SIPA1L1: variants seen among roughly 807,000 people sequenced by gnomAD.
The protein encoded by SIPA1L1 is signal-induced proliferation-associated 1-like protein 1.
In SIPA1L1, 26 loss-of-function variants were observed where a neutral mutation model predicts 162.7. The observed-to-expected ratio is 0.16, with a 90% confidence interval of 0.12 to 0.22. The LOEUF (loss-of-function observed/expected upper bound fraction) is 0.22. SIPA1L1 is among the 10% of genes least tolerant of loss of function. SIPA1L1 has a pLI of 1.00. For synonymous variants in SIPA1L1, 829 were observed against 837.4 expected (o/e 0.99, Z 0.17); for missense variants, 1,874 against 2,241.0 (o/e 0.84, Z 3.31).
chr14:71,331,811 A>T (rs957441900), intron 2 of SIPA1L1, among the ~76,000 whole-genome samples: 11 of 152,170 alleles, frequency 7.2e-5, no homozygotes, highest in Non-Finnish European at 1.5e-4. Context: ...ATACTTAACC[A>T]CAGCACTGTT....
At chr14:71,677,923 G>T (rs1230630287) in intron 12 of SIPA1L1, among the ~76,000 whole-genome samples, 1 of 152,118 alleles carries the variant, frequency 6.6e-6, no homozygotes, top group African/African-American at 2.4e-5. Context: ...CTCCAGCTTT[G>T]TTCTTTTTGC....
Position 71,650,471 on chromosome 14 carries a change from A to G in SIPA1L1, c.1955A>G (p.Lys652Arg), listed in dbSNP as rs764767611. ...LQLLGERVRLKGFEKYRAQLD... is the reference protein window; with the variant it reads ...LQLLGERVRLRGFEKYRAQLD... Reference sequence around the variant, plus strand: ...CTATTGGGAGAGCGAGTTCGGCTCAAAGGATTTGAGAAGTATCGAGCACAG... The same window carrying G: ...CTATTGGGAGAGCGAGTTCGGCTCAGAGGATTTGAGAAGTATCGAGCACAG... Residue 652 changes from lysine to arginine, a missense_variant, in exon 8 of 24, where the codon AAA becomes AGA. Physicochemically the swap from Lys to Arg is conservative, Grantham distance 26. This residue lies in a region of SIPA1L1 where 685 missense variants were observed against 828.0 expected (regional missense o/e 0.83). Transcript: ENST00000381232. 5.6e-6 allele frequency: 9 copies of G among 1,614,178 alleles called. No homozygotes were observed. In the East Asian group the frequency reaches 1.3e-4, roughly 24 times the overall value.
Position 71,588,915 on chromosome 14 carries a change from T to G in SIPA1L1, c.1043T>G (p.Met348Arg). Residue 348 changes from methionine to arginine, a missense_variant, in exon 5 of 24, where the codon ATG becomes AGG. By Grantham distance (91) the Met-to-Arg change is moderately conservative. Coordinates refer to ENST00000381232, the MANE Select transcript of SIPA1L1 (RefSeq NM_001386936.1). This position sits in a 1 kb window ranked among gnomAD's most constrained non-coding sequence, Gnocchi z 4.3. The stretch of plus-strand genomic sequence containing the variant: ...TTATTTGATTTGAATGAGGCAATTA[T>G]GAACAGGCACAATGTTATTAAGAGG... ...SILFDLNEAI[M>R]NRHNVIKRRN... is the part of the protein sequence containing the mutation. 1 of 1,614,116 alleles carries G rather than the reference T, an allele frequency of 6.2e-7. No individual in the cohort carries two copies. The highest frequency in any genetic ancestry group is 1.1e-5 in the South Asian group (1 of 91,084).
chr14:71,575,223 ATACTT>A (rs2032817039), intron 4 of SIPA1L1: 1 of 151,972 alleles, frequency 6.6e-6, no homozygotes, highest in African/African-American at 2.4e-5. Flanking sequence ...GGCTCTGTAA[ATACTT>A]AAGTTGCTGC....
intron 2 of SIPA1L1, among the ~76,000 whole-genome samples, chr14:71,325,083 T>C (rs1726437015): frequency 6.6e-6 from 1 of 152,156 alleles, no homozygotes; most frequent in African/African-American, 2.4e-5. Context: ...TATTCTGCCA[T>C]TGCTCACACA....
chr14:71,483,724 G>C (rs2048522972), intron 2 of SIPA1L1, among the ~76,000 whole-genome samples: 1 of 151,056 alleles, frequency 6.6e-6, no homozygotes, highest in African/African-American at 2.5e-5. Flanking sequence ...TCACTCTCCT[G>C]CTGAAAACAT....
chr14:71,680,977 C>T (rs1019885747), intron 12 of SIPA1L1, among the ~76,000 whole-genome samples: 11 of 152,184 alleles, frequency 7.2e-5, no homozygotes, highest in Non-Finnish European at 1.0e-4. Context: ...CCCTCCTCTA[C>T]CCAGCTCTTC....
intron 5 of SIPA1L1, among the ~76,000 whole-genome samples, chr14:71,614,007 G>A (rs2038527109): frequency 6.6e-6 from 1 of 152,068 alleles, no homozygotes; most frequent in South Asian, 2.1e-4. Context: ...TTTGAGACCA[G>A]CCTGGCCAAT....
chr14:71,693,759 A>G (rs1347016488), intron 13 of SIPA1L1, among the ~76,000 whole-genome samples: 2 of 147,060 alleles, frequency 1.4e-5, no homozygotes, highest in Admixed American at 1.4e-4. Context: ...GAAGAATCCT[A>G]GTTGATATAC....
chr14:71,462,790 A>G (rs1347782151), intron 2 of SIPA1L1, among the ~76,000 whole-genome samples: 1 of 152,234 alleles, frequency 6.6e-6, no homozygotes, highest in Non-Finnish European at 1.5e-5. Flanking sequence ...AAAGTGATCA[A>G]GGTCTCTCCG....
intron 23 of SIPA1L1, 105 bp downstream of exon 23, chr14:71,738,430 C>T (rs1011798473): frequency 2.9e-6 from 2 of 700,066 alleles, no homozygotes; most frequent in Admixed American, 4.8e-5. Flanking sequence ...GGGTGTCTTC[C>T]CGGTGCCTGC....
At chr14:71,435,993 A>T (rs1042113146) in intron 2 of SIPA1L1, among the ~76,000 whole-genome samples, 1 of 152,138 alleles carries the variant, frequency 6.6e-6, no homozygotes, top group Non-Finnish European at 1.5e-5. Context: ...TCCCCCTTGC[A>T]GGTAGCGTGT....
chr14:71,678,954 G>T (rs561360980), intron 12 of SIPA1L1, among the ~76,000 whole-genome samples: 60 of 152,176 alleles, frequency 3.9e-4, no homozygotes, highest in Middle Eastern at 3.4e-3. Context: ...CCAAATCTAC[G>T]TCTGATTGGT....
intron 2 of SIPA1L1, among the ~76,000 whole-genome samples, chr14:71,469,692 T>C (rs1423051329): frequency 6.6e-6 from 1 of 152,200 alleles, no homozygotes; most frequent in Non-Finnish European, 1.5e-5. Context: ...TTCATCCATA[T>C]TCTCATGTGA....
intron 9 of SIPA1L1, among the ~76,000 whole-genome samples, chr14:71,659,944 GA>G (rs142274474): frequency 0.015 from 2,212 of 148,340 alleles, 56 homozygotes; most frequent in African/African-American, 0.052. Context: ...TTTATGCTTG[GA>G]AAAAAAAACC....
chr14:71,605,820 C>T (rs934596763), intron 5 of SIPA1L1, among the ~76,000 whole-genome samples: 2 of 152,128 alleles, frequency 1.3e-5, no homozygotes, highest in Non-Finnish European at 2.9e-5. Context: ...GCACTTGTGC[C>T]AGCAGGTCCT....
intron 5 of SIPA1L1, among the ~76,000 whole-genome samples, chr14:71,614,538 C>T (rs151247017): frequency 1.9e-3 from 287 of 152,054 alleles, no homozygotes; most frequent in Non-Finnish European, 2.5e-3. Flanking sequence ...CCAATGGAAC[C>T]GATACTGATG....
chr14:71,544,665 A>G (rs2055014796), intron 4 of SIPA1L1, among the ~76,000 whole-genome samples: 1 of 151,970 alleles, frequency 6.6e-6, no homozygotes, highest in Non-Finnish European at 1.5e-5. Context: ...GTTAAGGTTT[A>G]CTTGCACTGT....
chr14:71,385,246 G>T (rs2040223104), intron 2 of SIPA1L1, among the ~76,000 whole-genome samples: 1 of 152,130 alleles, frequency 6.6e-6, no homozygotes, highest in African/African-American at 2.4e-5. Context: ...CATGGTCAAG[G>T]TCATAACTCA....
Sources: gnomAD v4.1 joint callset for allele counts (sites outside exome capture counted in the v4.1 genomes callset) on GRCh38, gnomAD v4.1.1 for gene constraint, gnomAD v4.1.1 regional missense constraint, Gnocchi (gnomAD v3.1) non-coding constraint, MANE v1.5 for transcripts, NCBI Gene and HGNC (gene_info 2026-07-23, HGNC 2026-07-21) for gene names.